The following DPP10 variants were observed in gnomAD, a reference collection of about 807,000 sequenced individuals.
DPP10 encodes the protein inactive dipeptidyl peptidase 10.
In DPP10, 33 loss-of-function variants were observed where a neutral mutation model predicts 120.9. The observed-to-expected ratio is 0.27, with a 90% confidence interval of 0.21 to 0.37. DPP10 has a LOEUF of 0.37. Ranked by LOEUF, DPP10 falls within the 10% of genes least tolerant of loss-of-function variation. The pLI, the probability that DPP10 is intolerant of heterozygous loss-of-function variation, is 1.00. For missense variants in DPP10, 816 were observed against 942.8 expected, an observed-to-expected ratio of 0.87 and a Z score of 1.76; for synonymous variants, 337 against 326.1, an observed-to-expected ratio of 1.03 and a Z score of -0.36.
chr2:115,133,135 GTGTGTGTGTGTATA>G (rs1179709843), intron 1 of DPP10, among the ~76,000 whole-genome samples: 1 of 64,150 alleles, frequency 1.6e-5, no homozygotes, highest in Non-Finnish European at 2.9e-5. Context: ...GTGTGTGTGT[GTGTGTGTGTGTATA>G]TATATATATA....
chr2:115,503,516 AC>A (rs2076791259), intron 4 of DPP10, among the ~76,000 whole-genome samples: 1 of 152,152 alleles, frequency 6.6e-6, no homozygotes. Context: ...CGACAATTGT[AC>A]CTCATAAAAT....
At chr2:115,413,320 T>C (rs575006219) in intron 3 of DPP10, among the ~76,000 whole-genome samples, 41 of 152,140 alleles carry the variant, frequency 2.7e-4, no homozygotes, top group African/African-American at 5.3e-4. Context: ...GTGGAAAACA[T>C]GCAAATAGAA....
Position 115,334,230 on chromosome 2 carries a change from G to GTTTTTTTTTTTTTTTTTTTTTTTT in DPP10, c.176-9571_176-9570insTTTTTTTTTTTTTTTTTTTTTTTT. Among the ~76,000 whole-genome samples the GTTTTTTTTTTTTTTTTTTTTTTTT allele has an allele frequency of 1.8e-3, 103 of 56,400 alleles. 27 individuals carry two copies. The highest frequency in any genetic ancestry group is 3.0e-3 in the South Asian group (4 of 1,336). The allele number at this position is 56,400 out of a possible 152,430, so 37.0% of individuals were successfully genotyped here. A position where few individuals can be genotyped will look rare whatever the true frequency, so the allele number is the denominator to read the frequency against. ...TCAGGAATGGACCAGAGCAGACTCT[G>GTTTTTTTTTTTTTTTTTTTTTTTT]TTTTTTTTTTTTTTTTAAGAAACCT... is the stretch of plus-strand genomic sequence containing the variant. On this transcript the variant is annotated intron_variant, in intron 2 of 25. Transcript: ENST00000410059.
chr2:114,833,872 A>G (rs1687364606), intron 1 of DPP10: 1 of 152,148 alleles, frequency 6.6e-6, no homozygotes, highest in African/African-American at 2.4e-5. Context: ...TTTTTGTCCT[A>G]CGGAAGGCAC....
intron 1 of DPP10, among the ~76,000 whole-genome samples, chr2:115,280,669 T>C (rs1243448340): frequency 6.6e-6 from 1 of 152,216 alleles, no homozygotes; most frequent in African/African-American, 2.4e-5. Context: ...CCTTGGGGCA[T>C]TAGCCTTTGC....
rs12464138 is a variant in DPP10, at chr2:114,721,148, C to T, written c.60+278310C>T. On this transcript the variant is annotated intron_variant, in intron 1 of 25. Coordinates refer to ENST00000410059, the MANE Select transcript of DPP10 (RefSeq NM_020868.6). The stretch of plus-strand genomic sequence containing the variant: ...TTCCCTATGCTCTGACTTCTTCAAG[C>T]ATCTAAATGAAGAAATTGGACTTCA... Among the ~76,000 whole-genome samples the T allele has an allele frequency of 1.0e-3, 153 of 152,340 alleles. 1 individual carries two copies. The highest frequency in any genetic ancestry group is 1.7e-3 in the Non-Finnish European group (113 of 68,034).
intron 1 of DPP10, among the ~76,000 whole-genome samples, chr2:115,018,171 C>G (rs1316264407): frequency 1.3e-5 from 2 of 152,126 alleles, no homozygotes; most frequent in African/African-American, 4.8e-5. Flanking sequence ...CCATCTCACA[C>G]CAGTTAGAAT....
At chr2:115,688,234 T>C (rs901734903) in intron 5 of DPP10, among the ~76,000 whole-genome samples, 1 of 152,162 alleles carries the variant, frequency 6.6e-6, no homozygotes, top group Non-Finnish European at 1.5e-5. Context: ...TCAGATTTAA[T>C]AGTTATTCCA....
intron 1 of DPP10, among the ~76,000 whole-genome samples, chr2:114,858,334 G>A (rs571260559): frequency 1.5e-4 from 23 of 152,184 alleles, no homozygotes; most frequent in African/African-American, 5.3e-4. Flanking sequence ...ATAGAGTGAG[G>A]GTAAGGATGT....
chr2:114,515,210 G>A (rs1303080148), intron 1 of DPP10, among the ~76,000 whole-genome samples: 1 of 152,082 alleles, frequency 6.6e-6, no homozygotes, highest in African/African-American at 2.4e-5. Context: ...TTTATCATGG[G>A]CATAAACATT....
intron 5 of DPP10, among the ~76,000 whole-genome samples, chr2:115,678,755 C>T (rs2090452851): frequency 6.6e-6 from 1 of 152,220 alleles, no homozygotes; most frequent in African/African-American, 2.4e-5. Context: ...AGGCACTCAA[C>T]ACCAGCCCAT....
chr2:115,564,798 G>T (rs1407464010), intron 5 of DPP10, among the ~76,000 whole-genome samples: 2 of 152,026 alleles, frequency 1.3e-5, no homozygotes, highest in South Asian at 2.1e-4. Context: ...AATTTAACTG[G>T]CAATTTAAAT....
chr2:115,477,720 T>C (rs1282819695), intron 3 of DPP10, among the ~76,000 whole-genome samples: 3 of 152,166 alleles, frequency 2.0e-5, no homozygotes, highest in Non-Finnish European at 2.9e-5. Flanking sequence ...TAACAAAGCA[T>C]TGAGCTCATA....
At chr2:114,774,403 A>G (rs1439013639) in intron 1 of DPP10, among the ~76,000 whole-genome samples, 1 of 151,792 alleles carries the variant, frequency 6.6e-6, no homozygotes, top group African/African-American at 2.4e-5. Context: ...TGACAAAAAA[A>G]AAAGTAATCT....
intron 11 of DPP10, among the ~76,000 whole-genome samples, 157 bp downstream of exon 11, chr2:115,753,454 T>G (rs1414087156): frequency 6.6e-6 from 1 of 152,130 alleles, no homozygotes; most frequent in African/African-American, 2.4e-5. Flanking sequence ...ATACTTTAAT[T>G]TATAAAGCTT....
intron 19 of DPP10, among the ~76,000 whole-genome samples, chr2:115,799,646 C>T (rs1684947494): frequency 7.1e-6 from 1 of 141,094 alleles, no homozygotes; most frequent in East Asian, 2.2e-4. Flanking sequence ...CATGTGTTCT[C>T]ATTGTTCAAT....
chr2:114,497,392 C>CT (rs1558814641), intron 1 of DPP10, among the ~76,000 whole-genome samples: 1,552 of 130,504 alleles, frequency 0.012, 87 homozygotes, highest in African/African-American at 0.046. Context: ...TATACATACA[C>CT]ATACATATAC....
At chr2:115,171,724 A>C (rs1573882689) in intron 1 of DPP10, among the ~76,000 whole-genome samples, 1 of 151,858 alleles carries the variant, frequency 6.6e-6, no homozygotes, top group Non-Finnish European at 1.5e-5. Context: ...CTTAAAAAAA[A>C]AAAACAAAAA....
At position 115,033,543 on chromosome 2, in the gene DPP10, C is replaced by T. The variant is rs139527723; in HGVS notation, c.61-275696C>T. On this transcript the variant is annotated intron_variant, in intron 1 of 25. Transcript: ENST00000410059. ...GCAATGGTCACTTGGCCTCCATTTC[C>T]ACTCTTCTCATTTATTTTATCTCAC... is the stretch of plus-strand genomic sequence containing the variant. 8.2e-4 allele frequency among the ~76,000 whole-genome samples: 125 copies of T among 152,140 alleles called. No homozygotes were observed. In the Middle Eastern group the frequency reaches 0.01, roughly 12 times the overall value.
Sources: allele counts gnomAD v4.1 joint callset (sites outside exome capture counted in the v4.1 genomes callset), GRCh38; gene constraint gnomAD v4.1.1; transcripts MANE v1.5; gene names NCBI Gene and HGNC (gene_info 2026-07-23, HGNC 2026-07-21).